The following MLLT3 variants were observed in gnomAD, a reference collection of about 807,000 sequenced individuals.
The protein encoded by MLLT3 is protein AF-9.
In MLLT3, 4 loss-of-function variants were observed where a neutral mutation model predicts 53.2. The observed-to-expected ratio is 0.08, with a 90% CI of 0.04 to 0.17. The LOEUF (loss-of-function observed/expected upper bound fraction) is 0.17, where lower values mean the gene tolerates loss of function less well. Ranked by LOEUF, MLLT3 falls within the 10% of genes least tolerant of loss-of-function variation. The pLI, the probability that MLLT3 is intolerant of heterozygous loss-of-function variation, is 1.00. For missense variants in MLLT3, 569 were observed against 684.0 expected, an observed-to-expected ratio of 0.83 and a Z score of 1.87; for synonymous variants, 283 against 230.6, an observed-to-expected ratio of 1.23 and a Z score of -2.06.
chr9:20,462,754 T>C (rs529794651), intron 2 of MLLT3, among the ~76,000 whole-genome samples: 1 of 152,296 alleles, frequency 6.6e-6, no homozygotes, highest in East Asian at 1.9e-4. Context: ...GCTAATGCTG[T>C]TTCCCACACC....
chr9:20,420,482 T>C (rs1350196020), intron 4 of MLLT3, among the ~76,000 whole-genome samples: 4 of 152,164 alleles, frequency 2.6e-5, no homozygotes, highest in Non-Finnish European at 4.4e-5. Flanking sequence ...GAATTCAACG[T>C]TGAGAGTACC....
At chr9:20,446,708 T>C (rs767174999) in intron 4 of MLLT3, among the ~76,000 whole-genome samples, 18 of 152,230 alleles carry the variant, frequency 1.2e-4, no homozygotes, top group Admixed American at 2.6e-4. Context: ...GTTAATGGCA[T>C]AGCCATAGGT....
At chr9:20,586,719 A>G (rs1487867812) in intron 2 of MLLT3, among the ~76,000 whole-genome samples, 1 of 151,950 alleles carries the variant, frequency 6.6e-6, no homozygotes, top group South Asian at 2.1e-4. Context: ...GGAGGAGAGG[A>G]ATGAAGGGAA....
At chr9:20,360,117 C>T (rs1821277502) in intron 8 of MLLT3, among the ~76,000 whole-genome samples, 1 of 152,166 alleles carries the variant, frequency 6.6e-6, no homozygotes, top group Non-Finnish European at 1.5e-5. Context: ...ATTATTTTCT[C>T]AGCATTTTAT....
At chr9:20,501,279 A>G (rs1362551192) in intron 2 of MLLT3, among the ~76,000 whole-genome samples, 3 of 152,204 alleles carry the variant, frequency 2.0e-5, no homozygotes, top group African/African-American at 7.2e-5. Flanking sequence ...ATAAATATTG[A>G]TGGAACACTG....
chr9:20,587,683 G>C (rs1820010113), intron 2 of MLLT3, among the ~76,000 whole-genome samples: 1 of 152,086 alleles, frequency 6.6e-6, no homozygotes, highest in Admixed American at 6.5e-5. Flanking sequence ...CTTGTTGATG[G>C]GGTTGTTTGT....
At chr9:20,433,319 T>G (rs1348123398) in intron 4 of MLLT3, among the ~76,000 whole-genome samples, 1 of 152,124 alleles carries the variant, frequency 6.6e-6, no homozygotes, top group Non-Finnish European at 1.5e-5. Context: ...AATTAAATTA[T>G]CAAAATAAAT....
In MLLT3 at chr9:20,589,153, C is replaced by T. The variant is rs369443837; in HGVS notation, c.193+31501G>A. ...ATGCACACGTATGTTTATTGCGGCACTATTCACAATAGCAAAGACTTGGAA... is the reference window on the plus strand; with the variant it reads ...ATGCACACGTATGTTTATTGCGGCATTATTCACAATAGCAAAGACTTGGAA... On this transcript the variant is annotated intron_variant, in intron 2 of 10. Coordinates refer to ENST00000380338, the MANE Select transcript of MLLT3 (RefSeq NM_004529.4). Among the ~76,000 whole-genome samples the T allele has an allele frequency of 7.4e-5, 11 of 149,252 alleles. No homozygotes were observed. The East Asian group carries it at 9.7e-4, about 13-fold the overall frequency.
At chr9:20,512,022 T>C (rs1284689764) in intron 2 of MLLT3, among the ~76,000 whole-genome samples, 1 of 151,944 alleles carries the variant, frequency 6.6e-6, no homozygotes, top group African/African-American at 2.4e-5. Flanking sequence ...GCTGGAGCAA[T>C]AAAAAGAAAA....
intron 2 of MLLT3, among the ~76,000 whole-genome samples, chr9:20,614,412 G>GAAGGA (rs1169479667): frequency 8.0e-6 from 1 of 125,752 alleles, no homozygotes; most frequent in Non-Finnish European, 1.6e-5. Flanking sequence ...AAGAAGGAAG[G>GAAGGA]AAGGAAAGGA....
At chr9:20,530,587 G>C (rs1256824344) in intron 2 of MLLT3, among the ~76,000 whole-genome samples, 3 of 152,164 alleles carry the variant, frequency 2.0e-5, no homozygotes. Flanking sequence ...ATTATGTCTT[G>C]TTCTCTGGTA....
chr9:20,453,531 C>G (rs1823889479), intron 3 of MLLT3, among the ~76,000 whole-genome samples: 1 of 152,102 alleles, frequency 6.6e-6, no homozygotes, highest in South Asian at 2.1e-4. Context: ...CCACTGTACT[C>G]CAGCCTGGGT....
At chr9:20,470,581 T>C (rs188974582) in intron 2 of MLLT3, among the ~76,000 whole-genome samples, 208 of 152,154 alleles carry the variant, frequency 1.4e-3, no homozygotes, top group Non-Finnish European at 2.3e-3. Context: ...AGAAACTGAA[T>C]AAGCTTTACC....
chr9:20,557,273 G>A (rs529449970), intron 2 of MLLT3, among the ~76,000 whole-genome samples: 1 of 152,014 alleles, frequency 6.6e-6, no homozygotes, highest in Non-Finnish European at 1.5e-5. Context: ...GGGGTAGTGG[G>A]GTTGAGGGCA....
intron 5 of MLLT3, among the ~76,000 whole-genome samples, chr9:20,397,818 GT>G (rs887888171): frequency 4.9e-4 from 74 of 151,844 alleles, no homozygotes; most frequent in African/African-American, 1.7e-3. Context: ...TATAATTTTT[GT>G]CTCATAGATG....
chr9:20,344,546 A>G lies in MLLT3; in HGVS notation c.*1897T>C. The G allele has an allele frequency of 4.6e-6, 1 of 217,596 alleles. No individual in the cohort carries two copies. Among genetic ancestry groups the G allele is most frequent in the Non-Finnish European group, 9.2e-6 (1 of 108,136 alleles). 13.5% of individuals were successfully genotyped at this position (217,596 alleles called of 1,614,324 possible). On this transcript the variant is annotated 3_prime_UTR_variant, in exon 11 of 11. Transcript: ENST00000380338. ...CACATCAAGAAGTGGACAATACAAC[A>G]AATGCTTCAAGTACGGTTCATGCCA...
At chr9:20,395,116 T>C (rs1822289110) in intron 5 of MLLT3, among the ~76,000 whole-genome samples, 1 of 152,156 alleles carries the variant, frequency 6.6e-6, no homozygotes, top group Non-Finnish European at 1.5e-5. Context: ...AATTAGTCAC[T>C]GCCCTTCCCA....
chr9:20,548,224 G>C (rs7848427), intron 2 of MLLT3, among the ~76,000 whole-genome samples: 30,164 of 152,188 alleles, frequency 0.2, 3,056 homozygotes, highest in Middle Eastern at 0.24. Context: ...AGTCAAATTT[G>C]CCTAGTGACT....
chr9:20,562,431 GA>G (rs1299305669), intron 2 of MLLT3, among the ~76,000 whole-genome samples: 1 of 151,886 alleles, frequency 6.6e-6, no homozygotes, highest in African/African-American at 2.4e-5. Context: ...ACATGTAAAG[GA>G]ATTTAAAATT....
Sources: gnomAD v4.1 joint callset for allele counts (sites outside exome capture counted in the v4.1 genomes callset) on GRCh38, gnomAD v4.1.1 for gene constraint, MANE v1.5 for transcripts, NCBI Gene and HGNC (gene_info 2026-07-23, HGNC 2026-07-21) for gene names.